Variants in SLC13A2 observed in about 807,000 individuals in gnomAD.
SLC13A2 encodes the protein solute carrier family 13 member 2, also known as Na(+)-coupled citrate transporter.
A neutral mutation model predicts 58.5 loss-of-function variants in SLC13A2; 40 were observed. The ratio of observed to expected loss-of-function variants is 0.68; its 90% CI spans 0.53 to 0.89. The LOEUF is 0.89. Among genes scored for constraint, SLC13A2 ranks in the 40% least tolerant of loss-of-function variants. The pLI is 0.00. For synonymous variants in SLC13A2, 341 were observed against 331.6 expected, an observed-to-expected ratio of 1.03 and a Z score of -0.31; for missense variants, 694 against 772.6, an observed-to-expected ratio of 0.90 and a Z score of 1.21.
chr17:28,483,487 A>G (rs2068822925), intron 1 of SLC13A2, among the ~76,000 whole-genome samples: 1 of 152,082 alleles, frequency 6.6e-6, no homozygotes, highest in African/African-American at 2.4e-5. Context: ...AATTGTTTTA[A>G]TTAGCTGGGT....
chr17:28,478,543 G>C lies in SLC13A2; in HGVS notation c.102+4729G>C, dbSNP rs574484209. On this transcript the variant is annotated intron_variant, in intron 1 of 11. Coordinates refer to ENST00000314669, the MANE Select transcript of SLC13A2 (RefSeq NM_003984.4). ...CATTTGAGTTGGGCCTTGAAGGTTG[G>C]TGGAGTTTTAACAGTCAGAGGCATC... Among the ~76,000 whole-genome samples the C allele has an allele frequency of 2.6e-5, 4 of 152,314 alleles. No individual in the cohort carries two copies. In the East Asian group the frequency reaches 7.7e-4, roughly 29 times the overall value.
chr17:28,490,171 G>A, intron 2 of SLC13A2: 2 of 775,136 alleles, frequency 2.6e-6, no homozygotes. Flanking sequence ...CTACTTGGGA[G>A]GCTGAGGTGG....
chr17:28,488,806 C>A (rs186110337), intron 1 of SLC13A2, among the ~76,000 whole-genome samples: 69 of 152,316 alleles, frequency 4.5e-4, no homozygotes, highest in African/African-American at 1.5e-3. Flanking sequence ...CATACTCTTG[C>A]AGCTTGTGAT....
chr17:28,482,120 G>A (rs374550658), intron 1 of SLC13A2, among the ~76,000 whole-genome samples: 31 of 152,216 alleles, frequency 2.0e-4, no homozygotes, highest in Admixed American at 9.8e-4. Flanking sequence ...GGGTGGTTCC[G>A]GTGATTCCCC....
Position 28,491,488 on chromosome 17 carries a change from A to G in SLC13A2, c.626A>G (p.His209Arg), listed in dbSNP as rs1333139281. 1 of 1,613,650 alleles carries G rather than the reference A, an allele frequency of 6.2e-7. No homozygotes were observed. The highest frequency in any genetic ancestry group is 8.5e-7 in the Non-Finnish European group (1 of 1,180,032). ...VTSASSEGRA[H>R]LSQKHLHLTQ... Reference sequence around the variant, plus strand: ...TCTGCCTCTTCGGAGGGGAGGGCACATCTCAGCCAGAAGCATCTCCACCTC... The same window carrying G: ...TCTGCCTCTTCGGAGGGGAGGGCACGTCTCAGCCAGAAGCATCTCCACCTC... The change falls in exon 5 of 12, where the codon CAT (histidine) becomes CGT (arginine). Residue 209 changes from histidine (H) to arginine (R), a missense_variant. Coordinates refer to ENST00000314669, the MANE Select transcript of SLC13A2 (RefSeq NM_003984.4).
At chr17:28,492,337 C>T (rs2069045364) in intron 6 of SLC13A2, among the ~76,000 whole-genome samples, 1 of 152,188 alleles carries the variant, frequency 6.6e-6, no homozygotes, top group Admixed American at 6.5e-5. Context: ...AGCCCAGATG[C>T]TGCAAGAGCA....
chr17:28,476,678 C>T (rs191733657), intron 1 of SLC13A2, among the ~76,000 whole-genome samples: 19 of 152,306 alleles, frequency 1.2e-4, no homozygotes, highest in Non-Finnish European at 2.6e-4. Context: ...TGACCAACCC[C>T]AGTCATTCTT....
Position 28,474,719 on chromosome 17 carries a change from G to C in SLC13A2, c.102+905G>C, listed in dbSNP as rs1351589392. On this transcript the variant is annotated intron_variant, in intron 1 of 11. Coordinates refer to ENST00000314669, the MANE Select transcript of SLC13A2 (RefSeq NM_003984.4). ...TTGGGGCTTTGGGAAGGGTCCAGGG[G>C]GAAGGCCTTGAAGTTCAATCTTCAG... is the stretch of plus-strand genomic sequence containing the variant. 3.9e-5 allele frequency among the ~76,000 whole-genome samples: 6 copies of C among 152,108 alleles called. No homozygotes were observed. In the East Asian group the frequency reaches 9.6e-4, roughly 24 times the overall value.
At chr17:28,492,610 G>C (rs986834443) in intron 6 of SLC13A2, among the ~76,000 whole-genome samples, 5 of 152,224 alleles carry the variant, frequency 3.3e-5, no homozygotes, top group Admixed American at 6.5e-5. Context: ...GGCAGGGGAA[G>C]GTTCTGGAAG....
In SLC13A2 at chr17:28,490,446, C is replaced by T; in HGVS notation, c.232-8C>T. 6.2e-7 allele frequency: 1 copy of T among 1,614,140 alleles called. No homozygotes were observed. The highest frequency in any genetic ancestry group is 8.5e-7 in the Non-Finnish European group (1 of 1,180,034). On this transcript the variant is annotated splice_region_variant and splice_polypyrimidine_tract_variant and intron_variant, in intron 2 of 11. Transcript: ENST00000314669. ...TTCCCGCCGCTCAGCCATGTCTCCA[C>T]CTGCCAGGTTGCCGTCGAGTATCTT...
rs782332790 is a variant in SLC13A2, at chr17:28,490,534, C to A, written c.312C>A (p.Asn104Lys). 3.1e-6 allele frequency: 5 copies of A among 1,613,882 alleles called. No individual in the cohort carries two copies. The highest frequency in any genetic ancestry group is 3.4e-6 in the Non-Finnish European group (4 of 1,179,802). ...TGGCCATCGCGGTGGAACACTGGAACCTGCATAAACGCATCGCCCTCCGTG... is the reference window on the plus strand; with the variant it reads ...TGGCCATCGCGGTGGAACACTGGAAACTGCATAAACGCATCGCCCTCCGTG... Reference protein sequence around the residue: ...LLVAIAVEHWNLHKRIALRVL... With the variant: ...LLVAIAVEHWKLHKRIALRVL... The change falls in exon 3 of 12, where the codon AAC becomes AAA. Residue 104 changes from asparagine (N) to lysine (K), a missense_variant. Asn to Lys is a moderately conservative substitution (Grantham distance 94). Transcript: ENST00000314669.
intron 1 of SLC13A2, chr17:28,487,526 A>T (rs1356754175): frequency 1.0e-6 from 1 of 985,308 alleles, no homozygotes; most frequent in Non-Finnish European, 1.2e-6. Flanking sequence ...ATACTTATAC[A>T]GAAACTTCTT....
At chr17:28,474,014 G>A (rs1183046599) in intron 1 of SLC13A2, among the ~76,000 whole-genome samples, 200 bp downstream of exon 1, 1 of 152,150 alleles carries the variant, frequency 6.6e-6, no homozygotes, top group African/African-American at 2.4e-5. Flanking sequence ...AGTTGTAGGA[G>A]CCCAGCGTGA....
intron 1 of SLC13A2, among the ~76,000 whole-genome samples, chr17:28,478,033 A>G (rs1292100531): frequency 5.3e-5 from 8 of 152,090 alleles, no homozygotes; most frequent in Admixed American, 5.2e-4. Context: ...ACTCCAGCCT[A>G]GGAGACAGAG....
Sources: gnomAD v4.1 joint callset for allele counts (sites outside exome capture counted in the v4.1 genomes callset) on GRCh38, gnomAD v4.1.1 for gene constraint, MANE v1.5 for transcripts, NCBI Gene and HGNC (gene_info 2026-07-23, HGNC 2026-07-21) for gene names.